ADAMTS7: variants seen among roughly 807,000 people sequenced by gnomAD.
ADAMTS7 encodes the protein ADAM metallopeptidase with thrombospondin type 1 motif 7.
ADAMTS7 carries 89 observed loss-of-function variants against 172.6 expected under a neutral mutation model. That is an observed-to-expected ratio of 0.52 (90% confidence interval 0.43 to 0.61). The LOEUF (loss-of-function observed/expected upper bound fraction) is 0.61, where lower values mean the gene tolerates loss of function less well. Ranked by LOEUF, ADAMTS7 falls within the 20% of genes least tolerant of loss-of-function variation. The pLI, the probability that ADAMTS7 is intolerant of heterozygous loss-of-function variation, is 0.00. For synonymous variants in ADAMTS7, 885 were observed against 978.4 expected, an observed-to-expected ratio of 0.90 and a Z score of 1.78; for missense variants, 1,973 against 2,355.6, an observed-to-expected ratio of 0.84 and a Z score of 3.36.
At chr15:78,799,940 C>T (rs1294855554) in intron 2 of ADAMTS7, among the ~76,000 whole-genome samples, 2 of 151,880 alleles carry the variant, frequency 1.3e-5, no homozygotes, top group African/African-American at 4.8e-5. Context: ...GATCCTTTCG[C>T]CTCAGCCTCC....
intron 10 of ADAMTS7, 38 bp downstream of exon 10, chr15:78,776,711 C>T (rs1365216125): frequency 2.6e-6 from 4 of 1,530,212 alleles, no homozygotes; most frequent in Non-Finnish European, 3.5e-6. Context: ...AGTCTGGCCT[C>T]TCACACACCC....
intron 23 of ADAMTS7, chr15:78,762,082 G>A (rs2055053921): frequency 1.0e-6 from 1 of 985,132 alleles, no homozygotes; most frequent in South Asian, 4.7e-5. Flanking sequence ...TGGGAAGACT[G>A]AGACCTAGAG....
intron 3 of ADAMTS7, 90 bp from the exon 4 acceptor site, chr15:78,796,876 G>A: frequency 8.1e-7 from 1 of 1,241,214 alleles, no homozygotes; most frequent in Non-Finnish European, 1.1e-6. Context: ...CTCTCTCTGG[G>A]GCACTGGGAA....
intron 6 of ADAMTS7, 74 bp from the exon 7 acceptor site, chr15:78,789,912 G>T: frequency 6.6e-7 from 1 of 1,507,930 alleles, no homozygotes; most frequent in South Asian, 1.3e-5. Flanking sequence ...GGCCAGGGAA[G>T]GGTCCCCCCG....
rs145503028 is a variant in ADAMTS7, at chr15:78,806,925, C to T, written c.100+4196G>A. On this transcript the variant is annotated intron_variant, in intron 1 of 23. Transcript: ENST00000388820. ...GTAATTACAGGTGCAAGCCACCATGCCCAACTAATTTTTGTATTTTTAGTA... is the reference window on the plus strand; with the variant it reads ...GTAATTACAGGTGCAAGCCACCATGTCCAACTAATTTTTGTATTTTTAGTA... Among the ~76,000 whole-genome samples the T allele has an allele frequency of 1.6e-3, 241 of 152,300 alleles. 1 individual carries two copies. Among genetic ancestry groups the T allele is most frequent in the African/African-American group, 3.6e-3 (151 of 41,568 alleles).
chr15:78,764,568 C>A lies in ADAMTS7; in HGVS notation c.4406G>T (p.Gly1469Val). Residue 1469 changes from glycine (G) to valine (V), a missense_variant, in exon 20 of 24, where the codon GGC (glycine) becomes GTC (valine). This residue lies in a region of ADAMTS7 where 218 missense variants were observed against 216.9 expected (regional missense o/e 1.01). Transcript: ENST00000388820. ...ATCCTCACGCACCTTACTCCAGTTG[C>A]CTGAGTGCCAGGTGGCACAGGGCCG... ...HLRPCATWHS[G>V]NWSKCSRSCG... The A allele has an allele frequency of 1.9e-6, 3 of 1,552,048 alleles. No individual in the cohort carries two copies. The South Asian group carries it at 3.5e-5, about 18-fold the overall frequency.
At chr15:78,788,479 G>C (rs2055537095) in intron 7 of ADAMTS7, 105 bp from the exon 8 acceptor site, 2 of 1,396,786 alleles carry the variant, frequency 1.4e-6, no homozygotes, top group Admixed American at 4.2e-5. Context: ...CCCAGGGCTG[G>C]TTCTGCCACC....
rs1327717063 is a variant in ADAMTS7 at position 78,800,544 on chromosome 15, C to T, written c.104G>A (p.Arg35His). 8.2e-6 allele frequency: 13 copies of T among 1,589,722 alleles called. No homozygotes were observed. Among genetic ancestry groups the T allele is most frequent in the Non-Finnish European group, 1.1e-5 (13 of 1,168,494 alleles). Residue 35 changes from arginine (R) to histidine (H), a missense_variant, in exon 2 of 24, where the codon CGT becomes CAT. Arg to His is a conservative substitution (Grantham distance 29). Around this residue, in one of 8 missense-constraint regions of ADAMTS7, gnomAD observed 306 missense variants for 288.0 expected, o/e 1.06. Coordinates refer to ENST00000388820, the MANE Select transcript of ADAMTS7 (RefSeq NM_014272.5). ...APGAPGPAPGRATEGRAALDI... is the reference protein window; with the variant it reads ...APGAPGPAPGHATEGRAALDI... ...CAGTGCCGCCCGGCCCTCGGTTGCA[C>T]GTCCTGCAGGGAGAGAACCACAAAC...
At chr15:78,768,281 C>T (rs1279546885) in intron 16 of ADAMTS7, 22 bp from the exon 17 acceptor site, 1 of 1,609,938 alleles carries the variant, frequency 6.2e-7, no homozygotes, top group Admixed American at 1.7e-5. Context: ...GGGGCTCAGC[C>T]TGGGACTGGC....
At position 78,765,809 on chromosome 15, in the gene ADAMTS7, G is replaced by A. The variant is rs1490522551; in HGVS notation, c.4102C>T (p.Pro1368Ser). Residue 1368 changes from proline (P) to serine (S), a missense_variant, in exon 19 of 24, where the codon CCC becomes TCC. Physicochemically the swap from Pro to Ser is moderately conservative, Grantham distance 74. Transcript: ENST00000388820. ...GTGGACAGCAGCCTAGAGCTCAGGGGCACCTCAGGGCTGAGGGACTCAGGC... is the reference window on the plus strand; with the variant it reads ...GTGGACAGCAGCCTAGAGCTCAGGGACACCTCAGGGCTGAGGGACTCAGGC... ...GQPESLSPEV[P>S]LSSRLLSTPA... 3.1e-6 allele frequency: 5 copies of A among 1,593,614 alleles called. 1 individual carries two copies. The South Asian group carries it at 5.6e-5, about 18-fold the overall frequency.
chr15:78,798,907 G>A (rs1197904995), intron 2 of ADAMTS7, among the ~76,000 whole-genome samples: 1 of 152,212 alleles, frequency 6.6e-6, no homozygotes, highest in African/African-American at 2.4e-5. Flanking sequence ...GAGTGCATCA[G>A]CTCTTGGGTC....
intron 1 of ADAMTS7, among the ~76,000 whole-genome samples, chr15:78,804,797 T>A (rs933304283): frequency 1.1e-4 from 17 of 152,124 alleles, no homozygotes; most frequent in African/African-American, 3.6e-4. Flanking sequence ...GGGCCACTAG[T>A]GCAAGGATTT....
rs1454931279 is a variant in ADAMTS7 at position 78,767,302 on chromosome 15, A to G, written c.2859+77T>C. On this transcript the variant is annotated intron_variant, in intron 18 of 23. Coordinates refer to ENST00000388820, the MANE Select transcript of ADAMTS7 (RefSeq NM_014272.5). ...GTTCCCTCCCACCCACAAGGTCTCCAGGAAGGCTGTCTGCCTCCCTGTAGC... is the reference window on the plus strand; with the variant it reads ...GTTCCCTCCCACCCACAAGGTCTCCGGGAAGGCTGTCTGCCTCCCTGTAGC... The G allele has an allele frequency of 3.9e-6, 6 of 1,546,724 alleles. No individual in the cohort carries two copies. In the East Asian group the frequency reaches 1.4e-4, roughly 36 times the overall value.
intron 8 of ADAMTS7, among the ~76,000 whole-genome samples, chr15:78,779,568 C>T (rs996737827): frequency 6.6e-6 from 1 of 152,154 alleles, no homozygotes; most frequent in Non-Finnish European, 1.5e-5. Context: ...AAAGGAGTGT[C>T]CCAAGTGCTC....
At chr15:78,781,414 C>G (rs1021069) in intron 8 of ADAMTS7, among the ~76,000 whole-genome samples, 9,020 of 152,248 alleles carry the variant, frequency 0.059, 342 homozygotes, top group East Asian at 0.12. Context: ...TGTGAAAGGA[C>G]CTTGGGAGGA....
Position 78,774,062 on chromosome 15 carries a change from C to T in ADAMTS7, c.2010+105G>A. On this transcript the variant is annotated intron_variant, in intron 13 of 23. Transcript: ENST00000388820. ...GACCCAGGAGAGAACCTGGGGCCCG[C>T]CATGGCCCGAGGAGGATCAGGAGGG... The T allele has an allele frequency of 2.6e-6, 4 of 1,516,746 alleles. No individual in the cohort carries two copies. The South Asian group carries it at 4.8e-5, about 18-fold the overall frequency. 94.0% of individuals were successfully genotyped at this position (1,516,746 alleles called of 1,614,324 possible).
rs1398044652 is a variant in ADAMTS7 at position 78,766,817 on chromosome 15, G to A, written c.3094C>T (p.Pro1032Ser). The part of the protein sequence containing the change: ...IPHHLAPRPS[P>S]ASSPKPGTMG... Reference sequence around the variant, plus strand: ...GTGCCTGGCTTGGGTGATGAGGCGGGTGAAGGGCGTGGGGCCAGGTGGTGC... The same window carrying A: ...GTGCCTGGCTTGGGTGATGAGGCGGATGAAGGGCGTGGGGCCAGGTGGTGC... The change falls in exon 19 of 24, where the codon CCC (proline) becomes TCC (serine). Residue 1032 changes from proline to serine, a missense_variant. Physicochemically the swap from Pro to Ser is moderately conservative, Grantham distance 74. This residue lies in a region of ADAMTS7 where 771 missense variants were observed against 952.6 expected (regional missense o/e 0.81). Transcript: ENST00000388820. The A allele has an allele frequency of 1.2e-6, 2 of 1,610,182 alleles. No individual in the cohort carries two copies. The highest frequency in any genetic ancestry group is 2.2e-5 in the East Asian group (1 of 44,892).
chr15:78,778,105 G>C (rs1459799070), intron 8 of ADAMTS7, among the ~76,000 whole-genome samples: 1 of 152,232 alleles, frequency 6.6e-6, no homozygotes, highest in African/African-American at 2.4e-5. Flanking sequence ...AACCATGCCT[G>C]TCCCGTTTCC....
At position 78,774,231 on chromosome 15, in the gene ADAMTS7, A is replaced by C; in HGVS notation, c.1946T>G (p.Val649Gly). The C allele has an allele frequency of 6.3e-7, 1 of 1,586,838 alleles. No individual in the cohort carries two copies. Among genetic ancestry groups the C allele is most frequent in the African/African-American group, 1.3e-5 (1 of 74,864 alleles). ...YFAEKLRDAV[V>G]DGTPCYQVRA... ...GACCTGGTAGCAGGGGGTGCCATCG[A>C]CCACGGCGTCCCGCAGCTTCTCGGC... is the stretch of plus-strand genomic sequence containing the variant. The change falls in exon 13 of 24, where the codon GTC (valine) becomes GGC (glycine). Residue 649 changes from valine to glycine, a missense_variant. This residue lies in a region of ADAMTS7 where 526 missense variants were observed against 662.9 expected (regional missense o/e 0.79). Coordinates refer to ENST00000388820, the MANE Select transcript of ADAMTS7 (RefSeq NM_014272.5).
Sources: gnomAD v4.1 joint callset for allele counts (sites outside exome capture counted in the v4.1 genomes callset) on GRCh38, gnomAD v4.1.1 for gene constraint, gnomAD v4.1.1 regional missense constraint, MANE v1.5 for transcripts, NCBI Gene and HGNC (gene_info 2026-07-23, HGNC 2026-07-21) for gene names.